JAK2: variants seen among roughly 807,000 people sequenced by gnomAD.
JAK2 encodes Janus kinase 2, also known as tyrosine-protein kinase JAK2.
A neutral mutation model predicts 139.3 loss-of-function variants in JAK2; 86 were observed. That is an observed-to-expected ratio of 0.62 (90% confidence interval 0.52 to 0.74). The LOEUF is 0.74. Ranked by LOEUF, JAK2 falls within the 30% of genes least tolerant of loss-of-function variation. The pLI is 0.00. For missense variants in JAK2, 1,421 were observed against 1,360.3 expected, an observed-to-expected ratio of 1.04 and a Z score of -0.70; for synonymous variants, 490 against 437.7, an observed-to-expected ratio of 1.12 and a Z score of -1.49.
At chr9:4,990,298 G>T (rs1239532457) in intron 2 of JAK2, among the ~76,000 whole-genome samples, 1 of 152,166 alleles carries the variant, frequency 6.6e-6, no homozygotes, top group African/African-American at 2.4e-5. Context: ...TTAAAAATGT[G>T]TCCAAAGTTA....
chr9:5,021,574 C>T (rs1320156192), intron 2 of JAK2, among the ~76,000 whole-genome samples: 2 of 152,182 alleles, frequency 1.3e-5, no homozygotes, highest in African/African-American at 4.8e-5. Flanking sequence ...AGCAGTCCTT[C>T]TTTGTGTATG....
chr9:5,033,426 C>T (rs199941377), intron 4 of JAK2, among the ~76,000 whole-genome samples: 2 of 152,104 alleles, frequency 1.3e-5, no homozygotes, highest in Non-Finnish European at 2.9e-5. Context: ...GCAACTCCAA[C>T]ACACATAATT....
intron 22 of JAK2, among the ~76,000 whole-genome samples, chr9:5,102,329 G>C (rs1259342352): frequency 6.6e-6 from 1 of 152,062 alleles, no homozygotes; most frequent in Non-Finnish European, 1.5e-5. Context: ...AGCGAGAGGA[G>C]AAGTTTAGAG....
chr9:5,035,246 T>C lies in JAK2; in HGVS notation c.350+5340T>C, dbSNP rs192557549. Among the ~76,000 whole-genome samples, 32 of 152,222 alleles carry C rather than the reference T, an allele frequency of 2.1e-4. 1 individual carries two copies. In the East Asian group the frequency reaches 5.2e-3, roughly 25 times the overall value. On this transcript the variant is annotated intron_variant, in intron 4 of 24. Coordinates refer to ENST00000381652, the MANE Select transcript of JAK2 (RefSeq NM_004972.4). ...TGAAATTGAGGCAATAATTAATAGT[T>C]TACCAACCAAAAAAAGTCCAGGACC...
At chr9:5,014,646 A>G (rs1392958501) in intron 2 of JAK2, among the ~76,000 whole-genome samples, 1 of 152,212 alleles carries the variant, frequency 6.6e-6, no homozygotes, top group Non-Finnish European at 1.5e-5. Context: ...ACATAGGTAT[A>G]TGCAGTGTCC....
intron 2 of JAK2, among the ~76,000 whole-genome samples, chr9:5,012,474 T>C (rs1821766087): frequency 6.6e-6 from 1 of 152,186 alleles, no homozygotes; most frequent in African/African-American, 2.4e-5. Context: ...TTACTTAAAA[T>C]TGTTGTTATT....
chr9:5,112,686 T>A, intron 22 of JAK2: 1 of 922,494 alleles, frequency 1.1e-6, no homozygotes, highest in Non-Finnish European at 1.5e-6. Context: ...TCGGTCATCC[T>A]GAATTTGGAG....
intron 15 of JAK2, among the ~76,000 whole-genome samples, chr9:5,077,830 T>C (rs1003694210): frequency 6.6e-6 from 1 of 152,246 alleles, no homozygotes; most frequent in Non-Finnish European, 1.5e-5. Context: ...ATGTTGTGTC[T>C]TTTGGATTTA....
At chr9:5,045,751 T>C (rs1031611623) in intron 5 of JAK2, among the ~76,000 whole-genome samples, 8 of 152,198 alleles carry the variant, frequency 5.3e-5, no homozygotes, top group African/African-American at 1.9e-4. Context: ...CAGAATTTCT[T>C]TCCTTTTTAA....
intron 2 of JAK2, among the ~76,000 whole-genome samples, chr9:4,997,269 T>C (rs764397931): frequency 4.6e-5 from 7 of 152,122 alleles, no homozygotes; most frequent in South Asian, 2.1e-4. Context: ...AAGAAATACC[T>C]GAGGCTGAGT....
At chr9:5,126,003 CTTT>C (rs1200775819) in intron 23 of JAK2, 7 of 170,392 alleles carry the variant, frequency 4.1e-5, no homozygotes, top group East Asian at 1.6e-4. Context: ...TTATATTCAA[CTTT>C]TTATTTCAAT....
At chr9:5,089,634 A>G (rs758766738) in intron 19 of JAK2, 40 bp from the exon 20 acceptor site, 3 of 1,099,066 alleles carry the variant, frequency 2.7e-6, no homozygotes, top group Non-Finnish European at 3.6e-6. Context: ...ATTTGCCTTG[A>G]AAACTTGGTA....
At position 5,090,532 on chromosome 9, in the gene JAK2, C is replaced by A; in HGVS notation, c.2848C>A (p.His950Asn). 1 of 1,594,698 alleles carries A rather than the reference C, an allele frequency of 6.3e-7. No homozygotes were observed. Among genetic ancestry groups the A allele is most frequent in the South Asian group, 1.2e-5 (1 of 86,606 alleles). Residue 950 changes from histidine (H) to asparagine (N), a missense_variant, in exon 21 of 25, where the codon CAC becomes AAC. Physicochemically the swap from His to Asn is moderately conservative, Grantham distance 68. Transcript: ENST00000381652. ...TCAAAAACATAAAGAACGGATAGAT[C>A]ACATAAAACTTCTGCAGTACACATC... ...YLQKHKERID[H>N]IKLLQYTSQI...
chr9:5,046,748 G>A (rs1817033624), intron 5 of JAK2, among the ~76,000 whole-genome samples: 2 of 152,122 alleles, frequency 1.3e-5, no homozygotes, highest in Admixed American at 1.3e-4. Context: ...TAGCCATTAT[G>A]AAAAGAGAGG....
intron 22 of JAK2, 40 bp from the exon 23 acceptor site, chr9:5,122,964 T>C (rs1262777150): frequency 7.7e-7 from 1 of 1,293,718 alleles, no homozygotes; most frequent in East Asian, 2.3e-5. Context: ...AGTCCACATA[T>C]CAAGTAACTG....
chr9:5,093,233 G>A (rs1452892415), intron 22 of JAK2, among the ~76,000 whole-genome samples: 3 of 152,094 alleles, frequency 2.0e-5, no homozygotes, highest in Non-Finnish European at 4.4e-5. Flanking sequence ...CATGCTCTAA[G>A]GAAATATTAC....
At chr9:5,057,472 A>G (rs968364024) in intron 8 of JAK2, among the ~76,000 whole-genome samples, 4 of 151,966 alleles carry the variant, frequency 2.6e-5, no homozygotes, top group African/African-American at 7.2e-5. Context: ...TCACTTTTGC[A>G]TCCAATTTCC....
Position 5,038,827 on chromosome 9 carries a change from C to G in JAK2, c.351-5576C>G, listed in dbSNP as rs375848612. On this transcript the variant is annotated intron_variant, in intron 4 of 24. Coordinates refer to ENST00000381652, the MANE Select transcript of JAK2 (RefSeq NM_004972.4). ...ATACTATGACCAGGTGGGATTTATCCCAGGAAATACAAGGCTAGTGTAACT... is the reference window on the plus strand; with the variant it reads ...ATACTATGACCAGGTGGGATTTATCGCAGGAAATACAAGGCTAGTGTAACT... 1.3e-4 allele frequency among the ~76,000 whole-genome samples: 20 copies of G among 152,006 alleles called. No homozygotes were observed. The East Asian group carries it at 3.9e-3, about 29-fold the overall frequency.
chr9:5,078,275 A>T (rs200174405), intron 15 of JAK2, 31 bp from the exon 16 acceptor site: 15 of 1,591,952 alleles, frequency 9.4e-6, no homozygotes, highest in Non-Finnish European at 1.3e-5. Flanking sequence ...GTGGACTGAT[A>T]TTTGAATATA....
Sources: allele counts gnomAD v4.1 joint callset (sites outside exome capture counted in the v4.1 genomes callset), GRCh38; gene constraint gnomAD v4.1.1; transcripts MANE v1.5; gene names NCBI Gene and HGNC (gene_info 2026-07-23, HGNC 2026-07-21).